The following TXNRD2 variants were observed in gnomAD, a reference collection of about 807,000 sequenced individuals.
TXNRD2 encodes the protein thioredoxin reductase 2, mitochondrial.
Under a neutral mutation model 70.8 loss-of-function variants are expected in TXNRD2, and 67 were observed. The ratio of observed to expected loss-of-function variants is 0.95; its 90% CI spans 0.78 to 1.16. TXNRD2 has a LOEUF of 1.16. TXNRD2 is among the 50% of genes most tolerant of loss of function. TXNRD2 has a pLI of 0.00. For synonymous variants in TXNRD2, 301 were observed against 295.8 expected, an observed-to-expected ratio of 1.02 and a Z score of -0.18; for missense variants, 644 against 719.9, an observed-to-expected ratio of 0.89 and a Z score of 1.21.
In TXNRD2 at chr22:19,925,252, C is replaced by T. The variant is rs150076234; in HGVS notation, c.173-5653G>A. Among the ~76,000 whole-genome samples the T allele has an allele frequency of 2.2e-3, 334 of 151,952 alleles. 13 individuals are homozygous for T. The East Asian group carries it at 0.055, about 25-fold the overall frequency. On this transcript the variant is annotated intron_variant, in intron 2 of 17. Coordinates refer to ENST00000400521, the MANE Select transcript of TXNRD2 (RefSeq NM_006440.5). ...TGAGCTGAGATCGCACCACTGCACT[C>T]CAGCCTGGGCGACAGAGCAAGACTC... is the stretch of plus-strand genomic sequence containing the variant.
intron 2 of TXNRD2, among the ~76,000 whole-genome samples, chr22:19,926,534 T>G (rs1941151987): frequency 6.9e-6 from 1 of 145,210 alleles, no homozygotes; most frequent in Non-Finnish European, 1.5e-5. Flanking sequence ...TCCCAACCCT[T>G]TGGGAGGCCA....
Position 19,878,088 on chromosome 22 carries a change from A to C in TXNRD2, c.1445+2T>G. The C allele has an allele frequency of 6.2e-7, 1 of 1,612,938 alleles. No homozygotes were observed. On this transcript the variant is annotated splice_donor_variant, in intron 16 of 17. Transcript: ENST00000400521. LOFTEE classifies it high-confidence loss of function. ...TCGCAGCCTGCATTCCTCGGGACTT[A>C]CTTGATCCCCAGAGCAAATCCTTGA...
At chr22:19,889,681 G>A (rs971028515) in intron 11 of TXNRD2, among the ~76,000 whole-genome samples, 4 of 151,992 alleles carry the variant, frequency 2.6e-5, no homozygotes, top group Non-Finnish European at 5.9e-5. Flanking sequence ...TCACTCTGTT[G>A]CTCAGGCTGG....
chr22:19,878,842 G>C (rs944214256), intron 14 of TXNRD2, among the ~76,000 whole-genome samples: 3 of 152,254 alleles, frequency 2.0e-5, no homozygotes, highest in African/African-American at 7.2e-5. Flanking sequence ...AGGCACCCTG[G>C]TGTTTGCTTG....
chr22:19,887,089 C>G (rs1409725443), intron 11 of TXNRD2, among the ~76,000 whole-genome samples: 1 of 152,198 alleles, frequency 6.6e-6, no homozygotes, highest in East Asian at 1.9e-4. Context: ...TTTTTGGCCA[C>G]GTGTTTATGA....
At chr22:19,883,191 G>C in intron 12 of TXNRD2, 134 bp downstream of exon 12, 1 of 1,177,692 alleles carries the variant, frequency 8.5e-7, no homozygotes, top group Non-Finnish European at 1.2e-6. Flanking sequence ...CTGGCCCTGG[G>C]GTTTGGCCCA....
At chr22:19,932,320 T>C (rs1403721305) in intron 1 of TXNRD2, 3 of 1,612,396 alleles carry the variant, frequency 1.9e-6, no homozygotes, top group African/African-American at 2.7e-5. Context: ...GTTTCATCCC[T>C]GGAATTCCTT....
At chr22:19,918,075 G>A (rs1940715452) in intron 5 of TXNRD2, 68 bp downstream of exon 5, 2 of 1,321,866 alleles carry the variant, frequency 1.5e-6, no homozygotes, top group Non-Finnish European at 2.2e-6. Context: ...AAGTAAGTGT[G>A]TGTCCAGGCA....
intron 11 of TXNRD2, among the ~76,000 whole-genome samples, chr22:19,893,143 G>A (rs1299372569): frequency 6.6e-6 from 1 of 152,168 alleles, no homozygotes; most frequent in South Asian, 2.1e-4. Flanking sequence ...CACAGCTTGT[G>A]CCTCTGGGAG....
At chr22:19,911,036 T>C (rs1940381757) in intron 8 of TXNRD2, 4 of 361,986 alleles carry the variant, frequency 1.1e-5, no homozygotes, top group East Asian at 6.9e-5. Flanking sequence ...GATTGGGCCA[T>C]TGCAATTCAG....
chr22:19,932,214 G>A, intron 1 of TXNRD2: 2 of 1,394,116 alleles, frequency 1.4e-6, no homozygotes, highest in Non-Finnish European at 2.0e-6. Context: ...GTCCCTCACA[G>A]CTGGCCAGTG....
At chr22:19,931,903 GT>G (rs566348948) in intron 1 of TXNRD2, among the ~76,000 whole-genome samples, 1 of 152,194 alleles carries the variant, frequency 6.6e-6, no homozygotes, top group Non-Finnish European at 1.5e-5. Context: ...GCTCACGCCT[GT>G]AATCCCAGCA....
chr22:19,897,151 A>T (rs1939545291), intron 10 of TXNRD2, among the ~76,000 whole-genome samples: 1 of 152,114 alleles, frequency 6.6e-6, no homozygotes, highest in Admixed American at 6.5e-5. Context: ...GGAGTGTGCC[A>T]TAGCTTTAGG....
intron 2 of TXNRD2, among the ~76,000 whole-genome samples, chr22:19,926,905 G>A (rs537087475): frequency 8.5e-5 from 13 of 152,332 alleles, no homozygotes; most frequent in African/African-American, 2.4e-5. Context: ...GACTGCCAAT[G>A]GGTACAGGGT....
intron 11 of TXNRD2, chr22:19,893,819 C>T (rs1183637954): frequency 1.3e-5 from 2 of 152,246 alleles, no homozygotes; most frequent in Non-Finnish European, 2.9e-5. Context: ...TCTGGAAAGG[C>T]CTGCAAAATG....
At position 19,895,492 on chromosome 22, in the gene TXNRD2, A is replaced by C; in HGVS notation, c.864T>G (p.Pro288=). The change falls in exon 11 of 18, where the codon CCT becomes CCG. Residue 288 remains proline (P), a synonymous_variant. Coordinates refer to ENST00000400521, the MANE Select transcript of TXNRD2 (RefSeq NM_006440.5). The part of the protein sequence containing the change: ...GCAPSRVRRL[P]DGQLQVTWED... The stretch of plus-strand genomic sequence containing the variant: ...CCCAGGTGACCTGCAGCTGGCCATC[A>C]GGGAGCCTCCTGACCCGCGAGGGGG... 1 of 1,613,948 alleles carries C rather than the reference A, an allele frequency of 6.2e-7. No homozygotes were observed. Among genetic ancestry groups the C allele is most frequent in the Non-Finnish European group, 8.5e-7 (1 of 1,180,004 alleles).
At chr22:19,895,349 A>T in intron 11 of TXNRD2, 58 bp downstream of exon 11, 1 of 1,611,314 alleles carries the variant, frequency 6.2e-7, no homozygotes, top group Non-Finnish European at 8.5e-7. Context: ...TGGGGCAAAG[A>T]TTCTCCATGC....
At chr22:19,917,197 G>A (rs1940676550) in intron 5 of TXNRD2, among the ~76,000 whole-genome samples, 1 of 152,202 alleles carries the variant, frequency 6.6e-6, no homozygotes, top group African/African-American at 2.4e-5. Flanking sequence ...GCAGGCAGTG[G>A]GCTGGGCCTG....
intron 7 of TXNRD2, 54 bp downstream of exon 7, chr22:19,915,160 A>G: frequency 3.2e-6 from 5 of 1,567,726 alleles, no homozygotes; most frequent in Non-Finnish European, 4.4e-6. Context: ...TATCCCTCAA[A>G]GAGGCCGGGA....
Sources: allele counts gnomAD v4.1 joint callset (sites outside exome capture counted in the v4.1 genomes callset), GRCh38; gene constraint gnomAD v4.1.1; transcripts MANE v1.5; gene names NCBI Gene and HGNC (gene_info 2026-07-23, HGNC 2026-07-21).